Variants in MRPS18A observed in about 807,000 individuals in gnomAD.
MRPS18A encodes mitochondrial ribosomal protein S18A.
A neutral mutation model predicts 22.7 loss-of-function variants in MRPS18A; 20 were observed. That is an observed-to-expected ratio of 0.88 (90% CI 0.62 to 1.28). MRPS18A has a LOEUF of 1.28. Among genes scored for constraint, MRPS18A ranks in the 50% most tolerant of loss-of-function variants. MRPS18A has a pLI of 0.00. For synonymous variants in MRPS18A, 106 were observed against 99.1 expected, an observed-to-expected ratio of 1.07 and a Z score of -0.41; for missense variants, 294 against 262.6, an observed-to-expected ratio of 1.12 and a Z score of -0.83.
chr6:43,685,969 T>C (rs188697876), intron 1 of MRPS18A, among the ~76,000 whole-genome samples: 287 of 152,272 alleles, frequency 1.9e-3, no homozygotes, highest in African/African-American at 6.7e-3. Flanking sequence ...AGTCCATCCT[T>C]TTTTACTTTT....
intron 1 of MRPS18A, among the ~76,000 whole-genome samples, chr6:43,685,038 T>C (rs1002893888): frequency 6.6e-6 from 1 of 152,116 alleles, no homozygotes; most frequent in Non-Finnish European, 1.5e-5. Context: ...AGGGAGGCCC[T>C]GCCATGGAAT....
intron 5 of MRPS18A, chr6:43,672,658 C>T: frequency 3.6e-6 from 1 of 280,178 alleles, no homozygotes; most frequent in South Asian, 3.1e-5. Context: ...GAATCCTCCC[C>T]TGCCTCCATT....
At chr6:43,682,592 T>A (rs1774478868) in intron 1 of MRPS18A, among the ~76,000 whole-genome samples, 1 of 152,178 alleles carries the variant, frequency 6.6e-6, no homozygotes, top group Admixed American at 6.5e-5. Flanking sequence ...AACACTGTAG[T>A]TACTAATCAA....
chr6:43,683,135 T>A (rs1422820003), intron 1 of MRPS18A, among the ~76,000 whole-genome samples: 3 of 152,064 alleles, frequency 2.0e-5, no homozygotes, highest in Non-Finnish European at 4.4e-5. Flanking sequence ...CCTGAAGTCA[T>A]CCCACTGGCC....
intron 1 of MRPS18A, among the ~76,000 whole-genome samples, chr6:43,684,673 T>G (rs1009245528): frequency 4.6e-5 from 7 of 152,138 alleles, no homozygotes; most frequent in Non-Finnish European, 8.8e-5. Context: ...CACTCCTCTC[T>G]CAAAGCTTTT....
intron 1 of MRPS18A, among the ~76,000 whole-genome samples, chr6:43,681,357 T>TGG (rs1774402708): frequency 6.6e-6 from 1 of 152,226 alleles, no homozygotes; most frequent in Non-Finnish European, 1.5e-5. Flanking sequence ...CTCTCTGGTA[T>TGG]GGGATTAAGG....
rs578030873 is a variant in MRPS18A, at chr6:43,674,803, T to C, written c.446+399A>G. On this transcript the variant is annotated intron_variant, in intron 5 of 5. Transcript: ENST00000372133. ...CCCTGAAGTTGTCCAGTGTGCGACC[T>C]GCACAGCTGTATTCAGTGGCACTAA... 5.4e-4 allele frequency among the ~76,000 whole-genome samples: 82 copies of C among 152,352 alleles called. 1 individual carries two copies. The highest frequency in any genetic ancestry group is 1.8e-3 in the African/African-American group (75 of 41,586).
chr6:43,680,756 C>T (rs1774354581), intron 2 of MRPS18A, among the ~76,000 whole-genome samples: 1 of 152,218 alleles, frequency 6.6e-6, no homozygotes, highest in African/African-American at 2.4e-5. Flanking sequence ...CTTACTCTGG[C>T]TCTCTAGGCG....
chr6:43,681,207 G>T, intron 1 of MRPS18A, 87 bp from the exon 2 acceptor site: 1 of 1,366,118 alleles, frequency 7.3e-7, no homozygotes, highest in Non-Finnish European at 1.0e-6. Flanking sequence ...TACACATCTG[G>T]AAAAAAGCAG....
intron 2 of MRPS18A, 88 bp downstream of exon 2, chr6:43,681,001 C>T (rs542858214): frequency 7.8e-7 from 1 of 1,283,026 alleles, no homozygotes; most frequent in Non-Finnish European, 1.1e-6. Flanking sequence ...GCTGGGCGTC[C>T]AGTTTGGGCC....
Position 43,687,721 on chromosome 6 carries a change from G to A in MRPS18A, c.59C>T (p.Ala20Val), listed in dbSNP as rs150490981. The stretch of plus-strand genomic sequence containing the variant: ...AGACCAGCTGGTCGCTGCCGGGCCC[G>A]CTAGTAGCCCACGGAGAAGCCGCCC... The part of the protein sequence containing the change: ...GCGRLLRGLL[A>V]GPAATSWSRL... Residue 20 changes from alanine to valine, a missense_variant, in exon 1 of 6, where the codon GCG becomes GTG. Transcript: ENST00000372133. 6.3e-7 allele frequency: 1 copy of A among 1,588,334 alleles called. No individual in the cohort carries two copies. Among genetic ancestry groups the A allele is most frequent in the African/African-American group, 1.3e-5 (1 of 74,672 alleles).
intron 1 of MRPS18A, among the ~76,000 whole-genome samples, chr6:43,683,470 C>T (rs748908167): frequency 1.8e-4 from 27 of 152,246 alleles, no homozygotes; most frequent in Admixed American, 5.9e-4. Context: ...CATACAAAAA[C>T]GTGTCAAAAC....
At chr6:43,674,350 C>CA (rs1430255724) in intron 5 of MRPS18A, among the ~76,000 whole-genome samples, 1 of 152,158 alleles carries the variant, frequency 6.6e-6, no homozygotes, top group African/African-American at 2.4e-5. Flanking sequence ...TAAAAAAGGA[C>CA]AAAAACTGCA....
chr6:43,678,267 G>A (rs897164844), intron 3 of MRPS18A, among the ~76,000 whole-genome samples: 2 of 152,188 alleles, frequency 1.3e-5, no homozygotes, highest in African/African-American at 2.4e-5. Flanking sequence ...GGAGAGCTGC[G>A]GTGAATGAGA....
intron 2 of MRPS18A, 124 bp downstream of exon 2, chr6:43,680,965 T>C (rs1380023954): frequency 4.9e-6 from 4 of 823,610 alleles, no homozygotes; most frequent in Non-Finnish European, 8.0e-6. Flanking sequence ...GTGGGATTTA[T>C]GGTCATTGAG....
In MRPS18A at chr6:43,671,530, A is replaced by G; in HGVS notation, c.*232T>C. The G allele has an allele frequency of 1.7e-6, 1 of 580,528 alleles. No homozygotes were observed. Among genetic ancestry groups the G allele is most frequent in the South Asian group, 2.0e-5 (1 of 50,340 alleles). The allele number at this position is 580,528 out of a possible 1,614,324, so 36.0% of individuals were successfully genotyped here. ...CAGCACTGAGCATGGCCTAAGCCCCATAGCAGCTGGCAAGGGACCCAACTG... is the reference window on the plus strand; with the variant it reads ...CAGCACTGAGCATGGCCTAAGCCCCGTAGCAGCTGGCAAGGGACCCAACTG... On this transcript the variant is annotated 3_prime_UTR_variant, in exon 6 of 6. Coordinates refer to ENST00000372133, the MANE Select transcript of MRPS18A (RefSeq NM_018135.4).
chr6:43,680,488 T>C (rs1774339073), intron 2 of MRPS18A, among the ~76,000 whole-genome samples: 1 of 152,162 alleles, frequency 6.6e-6, no homozygotes, highest in African/African-American at 2.4e-5. Flanking sequence ...AGCGTTGTTG[T>C]CTTTTAAGGA....
intron 1 of MRPS18A, among the ~76,000 whole-genome samples, chr6:43,683,064 T>C (rs1362441406): frequency 1.3e-5 from 2 of 151,996 alleles, no homozygotes. Context: ...GGCACTTGGG[T>C]CCTAACCATG....
At chr6:43,685,143 C>A (rs372880790) in intron 1 of MRPS18A, among the ~76,000 whole-genome samples, 5 of 152,298 alleles carry the variant, frequency 3.3e-5, no homozygotes, top group African/African-American at 1.2e-4. Flanking sequence ...AGCTATTAAA[C>A]CCCTTGGAAC....
Sources: gnomAD v4.1 joint callset for allele counts (sites outside exome capture counted in the v4.1 genomes callset) on GRCh38, gnomAD v4.1.1 for gene constraint, MANE v1.5 for transcripts, NCBI Gene and HGNC (gene_info 2026-07-23, HGNC 2026-07-21) for gene names.